Variants in SACM1L observed in about 807,000 individuals in gnomAD.
SACM1L encodes SAC1 like phosphatidylinositide phosphatase.
A neutral mutation model predicts 89.5 loss-of-function variants in SACM1L; 32 were observed. The observed-to-expected ratio is 0.36, with a 90% CI of 0.27 to 0.48. The LOEUF is 0.48. Ranked by LOEUF, SACM1L falls within the 20% of genes least tolerant of loss-of-function variation. The pLI is 0.99. For missense variants in SACM1L, 543 were observed against 708.5 expected (o/e 0.77, Z 2.65); for synonymous variants, 213 against 232.8 (o/e 0.92, Z 0.77).
chr3:45,732,091 T>C lies in SACM1L; in HGVS notation c.1040T>C (p.Met347Thr), dbSNP rs747636124. 3 of 1,604,320 alleles carry C rather than the reference T, an allele frequency of 1.9e-6. No individual in the cohort carries two copies. The highest frequency in any genetic ancestry group is 1.3e-5 in the African/African-American group (1 of 74,562). ...GACTTCCATAAGGAATGTAAAAATA[T>C]GAGATGGGATCGACTAAGTATTTTA... ...AFDFHKECKNMRWDRLSILLD... is the reference protein window; with the variant it reads ...AFDFHKECKNTRWDRLSILLD... Residue 347 changes from methionine to threonine, a missense_variant, in exon 13 of 20, where the codon ATG becomes ACG. Transcript: ENST00000389061.
intron 1 of SACM1L, among the ~76,000 whole-genome samples, chr3:45,690,598 C>T (rs140805661): frequency 2.0e-5 from 3 of 152,330 alleles, no homozygotes; most frequent in African/African-American, 7.2e-5. Context: ...TCAGAGAGGT[C>T]ATCTATTCCA....
At chr3:45,714,564 C>A (rs927869234) in intron 7 of SACM1L, among the ~76,000 whole-genome samples, 10 of 152,050 alleles carry the variant, frequency 6.6e-5, no homozygotes, top group Non-Finnish European at 1.3e-4. Context: ...CCACTGCACT[C>A]CAGCCTGGGT....
intron 7 of SACM1L, among the ~76,000 whole-genome samples, chr3:45,714,423 G>GTAC (rs1163197118): frequency 6.6e-6 from 1 of 152,106 alleles, no homozygotes; most frequent in Non-Finnish European, 1.5e-5. Context: ...ACTTTCCTAA[G>GTAC]TACATAATTT....
At chr3:45,707,750 C>T (rs1285016212) in intron 4 of SACM1L, among the ~76,000 whole-genome samples, 1 of 152,136 alleles carries the variant, frequency 6.6e-6, no homozygotes, top group Non-Finnish European at 1.5e-5. Context: ...TATTTCCCAA[C>T]ATTGAAAGTG....
chr3:45,693,203 C>T (rs1364195279), intron 1 of SACM1L, among the ~76,000 whole-genome samples: 1 of 152,118 alleles, frequency 6.6e-6, no homozygotes, highest in Non-Finnish European at 1.5e-5. Flanking sequence ...CTTATAGGAC[C>T]ACCATCATAT....
chr3:45,692,531 A>C (rs1348282811), intron 1 of SACM1L, among the ~76,000 whole-genome samples: 1 of 152,004 alleles, frequency 6.6e-6, no homozygotes, highest in Non-Finnish European at 1.5e-5. Flanking sequence ...CTGAAACTTG[A>C]ACTCCTCGTC....
Position 45,738,690 on chromosome 3 carries a change from C to A in SACM1L, c.1476+19C>A. ...TAGACAAGTAAGTTTGTATTTGATG[C>A]TTTCCTGGCATTACGTGGTTGTATC... On this transcript the variant is annotated intron_variant, in intron 17 of 19. Transcript: ENST00000389061. 6.4e-7 allele frequency: 1 copy of A among 1,560,544 alleles called. No individual in the cohort carries two copies. Among genetic ancestry groups the A allele is most frequent in the Non-Finnish European group, 8.8e-7 (1 of 1,131,542 alleles).
At chr3:45,741,740 G>T (rs923492480) in intron 19 of SACM1L, among the ~76,000 whole-genome samples, 17 of 152,206 alleles carry the variant, frequency 1.1e-4, no homozygotes, top group Admixed American at 1.0e-3. Context: ...AAATTTTTCT[G>T]TAAAGAGCCA....
At position 45,744,630 on chromosome 3, in the gene SACM1L, A is replaced by G. The variant is rs1484978463; in HGVS notation, c.*961A>G. 1 of 152,654 alleles carries G rather than the reference A, an allele frequency of 6.6e-6. No homozygotes were observed. Among genetic ancestry groups the G allele is most frequent in the Non-Finnish European group, 1.5e-5 (1 of 68,042 alleles). 9.5% of individuals were successfully genotyped at this position (152,654 alleles called of 1,614,324 possible). A position where few individuals can be genotyped will look rare whatever the true frequency, so the allele number is the denominator to read the frequency against. On this transcript the variant is annotated 3_prime_UTR_variant, in exon 20 of 20. Coordinates refer to ENST00000389061, the MANE Select transcript of SACM1L (RefSeq NM_014016.5). ...CACTCTGTCAAGGATTTTGTTGGCTATCAATGAATGTGTCTAAAACTTAGT... is the reference window on the plus strand; with the variant it reads ...CACTCTGTCAAGGATTTTGTTGGCTGTCAATGAATGTGTCTAAAACTTAGT...
intron 13 of SACM1L, chr3:45,734,614 G>T (rs1444922844): frequency 6.6e-6 from 1 of 151,902 alleles, no homozygotes; most frequent in Non-Finnish European, 1.5e-5. Flanking sequence ...GCCTGGCTAC[G>T]TTTTTGTTCT....
chr3:45,713,146 C>T lies in SACM1L; in HGVS notation c.493C>T (p.Arg165Trp), dbSNP rs1424265739. ...EMSLLERADQRFVWNGHLLRE... is the reference protein window; with the variant it reads ...EMSLLERADQWFVWNGHLLRE... ...TTAAAACTTCTCTCAGGCAGATCAG[C>T]GGTTTGTATGGAATGGTCATCTTCT... The change falls in exon 6 of 20, where the codon CGG becomes TGG. Residue 165 changes from arginine to tryptophan, a missense_variant. Physicochemically the swap from Arg to Trp is moderately radical, Grantham distance 101. Transcript: ENST00000389061. 8 of 1,611,700 alleles carry T rather than the reference C, an allele frequency of 5.0e-6. No homozygotes were observed. Among genetic ancestry groups the T allele is most frequent in the South Asian group, 2.2e-5 (2 of 90,768 alleles).
At chr3:45,691,183 C>T (rs955982456) in intron 1 of SACM1L, among the ~76,000 whole-genome samples, 1 of 152,192 alleles carries the variant, frequency 6.6e-6, no homozygotes, top group African/African-American at 2.4e-5. Flanking sequence ...GTGATAAAGT[C>T]AAACTGGGGT....
intron 1 of SACM1L, among the ~76,000 whole-genome samples, chr3:45,694,502 A>G (rs1188902397): frequency 6.6e-6 from 1 of 152,202 alleles, no homozygotes; most frequent in Non-Finnish European, 1.5e-5. Context: ...TAGCACAGAC[A>G]ATATGGGGTT....
At position 45,689,412 on chromosome 3, in the gene SACM1L, T is replaced by TGGCGGCGCGGGGCGG. The variant is rs1697909507; in HGVS notation, c.-48_-34dup. 1 of 1,553,508 alleles carries TGGCGGCGCGGGGCGG rather than the reference T, an allele frequency of 6.4e-7. No individual in the cohort carries two copies. Among genetic ancestry groups the TGGCGGCGCGGGGCGG allele is most frequent in the South Asian group, 1.2e-5 (1 of 84,400 alleles). ...GTGACCGGTAGAGTTGTAGCCGAGG[T>TGGCGGCGCGGGGCGG]GGCGGCGCGGGGCGGGGCGGGCGGA... On this transcript the variant is annotated 5_prime_UTR_variant, in exon 1 of 20. Transcript: ENST00000389061.
Position 45,692,187 on chromosome 3 carries a change from G to A in SACM1L, c.32+2690G>A, listed in dbSNP as rs185716387. 7.5e-3 allele frequency among the ~76,000 whole-genome samples: 1,149 copies of A among 152,266 alleles called. 10 individuals are homozygous for A. Among genetic ancestry groups the A allele is most frequent in the Non-Finnish European group, 0.01 (687 of 68,016 alleles). On this transcript the variant is annotated intron_variant, in intron 1 of 19. Coordinates refer to ENST00000389061, the MANE Select transcript of SACM1L (RefSeq NM_014016.5). ...GGTTTTGTTAGTCAGAATGGATATG[G>A]ATTCATATCTTAACTTGACTACTTG...
intron 19 of SACM1L, chr3:45,742,573 G>A (rs867189586): frequency 1.3e-5 from 2 of 152,204 alleles, no homozygotes; most frequent in South Asian, 2.1e-4. Context: ...AAACAAAGTA[G>A]ATCTTTGCCC....
intron 14 of SACM1L, 78 bp from the exon 15 acceptor site, chr3:45,737,505 T>A: frequency 2.2e-6 from 3 of 1,379,160 alleles, no homozygotes; most frequent in Non-Finnish European, 3.0e-6. Flanking sequence ...AGATAAAATT[T>A]GGGGACTGCT....
intron 13 of SACM1L, among the ~76,000 whole-genome samples, chr3:45,732,567 G>C (rs989533502): frequency 6.6e-6 from 1 of 152,060 alleles, no homozygotes; most frequent in Non-Finnish European, 1.5e-5. Context: ...CTAAGAAAGT[G>C]CTTTTCTTCA....
At chr3:45,713,996 C>A in intron 6 of SACM1L, 50 bp from the exon 7 acceptor site, 3 of 979,258 alleles carry the variant, frequency 3.1e-6, no homozygotes, top group African/African-American at 1.7e-5. Context: ...TTATATAATG[C>A]TTATTTATTT....
Sources: gnomAD v4.1 joint callset for allele counts (sites outside exome capture counted in the v4.1 genomes callset) on GRCh38, gnomAD v4.1.1 for gene constraint, MANE v1.5 for transcripts, NCBI Gene and HGNC (gene_info 2026-07-23, HGNC 2026-07-21) for gene names.